Variants in RIMBP2 observed in about 807,000 individuals in gnomAD.
RIMBP2 encodes RIMS binding protein 2, also known as RIMS-binding protein 2.
A neutral mutation model predicts 118.6 loss-of-function variants in RIMBP2; 48 were observed. That is an observed-to-expected ratio of 0.40 (90% CI 0.32 to 0.51). The LOEUF (loss-of-function observed/expected upper bound fraction) is 0.51, where lower values mean the gene tolerates loss of function less well. Among genes scored for constraint, RIMBP2 ranks in the 20% least tolerant of loss-of-function variants. The probability of loss-of-function intolerance (pLI) is 0.41; values close to 1 mark genes in which losing one functional copy is unlikely to be tolerated. For missense variants in RIMBP2, 1,551 were observed against 1,768.3 expected, an observed-to-expected ratio of 0.88 and a Z score of 2.20; for synonymous variants, 762 against 742.9, an observed-to-expected ratio of 1.03 and a Z score of -0.42.
At chr12:130,522,305 C>T (rs922830651) in intron 2 of RIMBP2, among the ~76,000 whole-genome samples, 1 of 152,218 alleles carries the variant, frequency 6.6e-6, no homozygotes, top group Non-Finnish European at 1.5e-5. Flanking sequence ...CCACTGCCCA[C>T]AGGGAGAGCC....
Position 130,622,891 on chromosome 12 carries a change from C to T in RIMBP2, c.-217+5431G>A, listed in dbSNP as rs538444692. Among the ~76,000 whole-genome samples, 8 of 152,292 alleles carry T rather than the reference C, an allele frequency of 5.3e-5. No homozygotes were observed. Among genetic ancestry groups the T allele is most frequent in the African/African-American group, 1.9e-4 (8 of 41,556 alleles). ...CCTCTGTTCCCAGAGCTCATGGCAT[C>T]GAGTAAACAGTTCTTGCCTACTAAG... On this transcript the variant is annotated intron_variant, in intron 2 of 22. Coordinates refer to ENST00000690449, the MANE Select transcript of RIMBP2 (RefSeq NM_001393629.1). The surrounding 1 kb of genome is among the most constrained non-coding windows in gnomAD (Gnocchi z 8.5).
chr12:130,504,108 G>T (rs967925851), intron 4 of RIMBP2, among the ~76,000 whole-genome samples: 4 of 152,172 alleles, frequency 2.6e-5, no homozygotes, highest in Admixed American at 2.6e-4. Context: ...GAAACATTCA[G>T]CCCCAATTTC....
At chr12:130,470,071 G>A (rs1237818774) in intron 6 of RIMBP2, 2 of 152,240 alleles carry the variant, frequency 1.3e-5, no homozygotes, top group African/African-American at 4.8e-5. Context: ...CACTCACGCA[G>A]GTGGGACGTA....
chr12:130,479,221 C>T (rs1330854233), intron 4 of RIMBP2, among the ~76,000 whole-genome samples: 1 of 152,232 alleles, frequency 6.6e-6, no homozygotes, highest in African/African-American at 2.4e-5. Flanking sequence ...CATAAACAAG[C>T]CCCCCACCTG....
rs1201799897 is a variant in RIMBP2, at chr12:130,450,660, C to T, written c.505-384G>A. On this transcript the variant is annotated intron_variant, in intron 8 of 22. Coordinates refer to ENST00000690449, the MANE Select transcript of RIMBP2 (RefSeq NM_001393629.1). The surrounding 1 kb of genome is among the most constrained non-coding windows in gnomAD (Gnocchi z 4.8). ...ACCCCCCAGTGATCCCACTCTCACT[C>T]CCCCTAGTGCATTCCCCACACAAGC... Among the ~76,000 whole-genome samples, 1 of 148,790 alleles carries T rather than the reference C, an allele frequency of 6.7e-6. No homozygotes were observed. The highest frequency in any genetic ancestry group is 1.5e-5 in the Non-Finnish European group (1 of 67,318).
Position 130,434,654 on chromosome 12 carries a change from C to T in RIMBP2, c.2253+80G>A. On this transcript the variant is annotated intron_variant, in intron 14 of 22. Coordinates refer to ENST00000690449, the MANE Select transcript of RIMBP2 (RefSeq NM_001393629.1). This position sits in a 1 kb window ranked among gnomAD's most constrained non-coding sequence, Gnocchi z 5.7. Reference sequence around the variant, plus strand: ...GACCCAAGGGTAGCGGGGAAAGTGCCCATGTCTCTTGATCTCCACGGGGCC... The same window carrying T: ...GACCCAAGGGTAGCGGGGAAAGTGCTCATGTCTCTTGATCTCCACGGGGCC... 1.4e-6 allele frequency: 2 copies of T among 1,436,218 alleles called. No individual in the cohort carries two copies. The highest frequency in any genetic ancestry group is 1.4e-5 in the African/African-American group (1 of 69,460). The allele number at this position is 1,436,218 out of a possible 1,614,324, so 89.0% of individuals were successfully genotyped here. A position where few individuals can be genotyped will look rare whatever the true frequency, so the allele number is the denominator to read the frequency against.
At position 130,399,136 on chromosome 12, in the gene RIMBP2, T is replaced by TA. The variant is rs762092322; in HGVS notation, c.3900+542dup. 3 of 1,398,962 alleles carry TA rather than the reference T, an allele frequency of 2.1e-6. No individual in the cohort carries two copies. The East Asian group carries it at 8.1e-5, about 38-fold the overall frequency. The allele number at this position is 1,398,962 out of a possible 1,614,324, so 86.7% of individuals were successfully genotyped here. On this transcript the variant is annotated intron_variant, in intron 22 of 22. Transcript: ENST00000690449. ...TTACGTGAAGGCTACATTGCCTGAT[T>TA]AAGGTGTGAAATGAACACTCTTCTT...
At chr12:130,584,113 A>T in intron 2 of RIMBP2, among the ~76,000 whole-genome samples, 1 of 144,456 alleles carries the variant, frequency 6.9e-6, no homozygotes, top group African/African-American at 2.6e-5. Flanking sequence ...TTACATCACC[A>T]CTATCATTAC....
chr12:130,399,562 T>C, intron 22 of RIMBP2, 117 bp downstream of exon 22: 3 of 1,212,152 alleles, frequency 2.5e-6, no homozygotes, highest in Non-Finnish European at 3.5e-6. Flanking sequence ...AGAAAAAAAA[T>C]TCAGGGTGTA....
chr12:130,504,680 C>G (rs867824573), intron 4 of RIMBP2, among the ~76,000 whole-genome samples: 45 of 149,560 alleles, frequency 3.0e-4, no homozygotes, highest in African/African-American at 1.1e-3. Context: ...ATGACTACGT[C>G]GCTTTAAGCC....
Position 130,517,833 on chromosome 12 carries a change from C to T in RIMBP2, c.-132G>A. ...TGGACAGTGGTATCAGCTACCTTGT[C>T]ATGCTGCCGGGCCCTTGTGGGAAGG... On this transcript the variant is annotated 5_prime_UTR_variant, in exon 3 of 23. It removes an upstream start codon present in the reference 5' UTR. Coordinates refer to ENST00000690449, the MANE Select transcript of RIMBP2 (RefSeq NM_001393629.1). 1.0e-6 allele frequency: 1 copy of T among 985,404 alleles called. No homozygotes were observed. Among genetic ancestry groups the T allele is most frequent in the Non-Finnish European group, 1.2e-6 (1 of 829,534 alleles). The allele number at this position is 985,404 out of a possible 1,614,324, so 61.0% of individuals were successfully genotyped here.
chr12:130,642,682 G>A (rs911738659), intron 1 of RIMBP2, among the ~76,000 whole-genome samples: 1 of 152,202 alleles, frequency 6.6e-6, no homozygotes, highest in African/African-American at 2.4e-5. Flanking sequence ...CCTCTTCCAA[G>A]CACCAGGCAC....
In RIMBP2 at chr12:130,422,978, C is replaced by T; in HGVS notation, c.3130-417G>A. Reference sequence around the variant, plus strand: ...AGTGGGGAAGATGTTGCAGTTCCTCCTGTCCTGCTTGGATAAAAGTCGTAT... The same window carrying T: ...AGTGGGGAAGATGTTGCAGTTCCTCTTGTCCTGCTTGGATAAAAGTCGTAT... On this transcript the variant is annotated intron_variant, in intron 16 of 22. Coordinates refer to ENST00000690449, the MANE Select transcript of RIMBP2 (RefSeq NM_001393629.1). This position sits in a 1 kb window ranked among gnomAD's most constrained non-coding sequence, Gnocchi z 5.2. 6.6e-6 allele frequency among the ~76,000 whole-genome samples: 1 copy of T among 152,196 alleles called. No homozygotes were observed. The highest frequency in any genetic ancestry group is 1.5e-5 in the Non-Finnish European group (1 of 68,044).
chr12:130,695,216 G>A (rs182905571), intron 1 of RIMBP2, among the ~76,000 whole-genome samples: 6 of 152,096 alleles, frequency 3.9e-5, no homozygotes, highest in Non-Finnish European at 5.9e-5. Flanking sequence ...TGACAAGACC[G>A]CAGGGCCCCT....
At chr12:130,477,174 G>T (rs77587365) in intron 5 of RIMBP2, among the ~76,000 whole-genome samples, 1 of 152,194 alleles carries the variant, frequency 6.6e-6, no homozygotes, top group African/African-American at 2.4e-5. Context: ...GATAAAGAAC[G>T]CCAAGAGAAC....
chr12:130,408,963 A>G (rs2136408978), intron 19 of RIMBP2, among the ~76,000 whole-genome samples: 1 of 152,252 alleles, frequency 6.6e-6, no homozygotes, highest in African/African-American at 2.4e-5. Context: ...TACAGGACGC[A>G]CACACGCCTC....
intron 10 of RIMBP2, among the ~76,000 whole-genome samples, chr12:130,443,638 A>G (rs1339529305): frequency 6.6e-6 from 1 of 152,124 alleles, no homozygotes; most frequent in Admixed American, 6.6e-5. Context: ...AATAAATAAG[A>G]AGGACTTGGA....
intron 2 of RIMBP2, among the ~76,000 whole-genome samples, chr12:130,612,872 G>A (rs143708196): frequency 3.5e-3 from 530 of 152,176 alleles, no homozygotes; most frequent in Non-Finnish European, 5.9e-3. Context: ...GAGAGAGTCC[G>A]GATGGGTAAA....
chr12:130,452,868 A>G (rs2079115895), intron 7 of RIMBP2, among the ~76,000 whole-genome samples: 1 of 152,218 alleles, frequency 6.6e-6, no homozygotes, highest in Non-Finnish European at 1.5e-5. Context: ...CCTTGTATTC[A>G]CAATTTATCC....
Sources: gnomAD v4.1 joint callset for allele counts (sites outside exome capture counted in the v4.1 genomes callset) on GRCh38, gnomAD v4.1.1 for gene constraint, Gnocchi (gnomAD v3.1) non-coding constraint, MANE v1.5 for transcripts, NCBI Gene and HGNC (gene_info 2026-07-23, HGNC 2026-07-21) for gene names.